The following ATP8A2 variants were observed in gnomAD, a reference collection of about 807,000 sequenced individuals.
The protein encoded by ATP8A2 is phospholipid-transporting ATPase IB.
In ATP8A2, 100 loss-of-function variants were observed where a neutral mutation model predicts 165.6. The observed-to-expected ratio is 0.60, with a 90% CI of 0.51 to 0.71. The LOEUF is 0.71. ATP8A2 is among the 30% of genes least tolerant of loss of function. The pLI is 0.00. For synonymous variants in ATP8A2, 543 were observed against 548.8 expected (o/e 0.99, Z 0.15); for missense variants, 1,227 against 1,479.5 (o/e 0.83, Z 2.80).
At chr13:25,707,810 C>T (rs1053983286) in intron 25 of ATP8A2, among the ~76,000 whole-genome samples, 1 of 152,122 alleles carries the variant, frequency 6.6e-6, no homozygotes, top group African/African-American at 2.4e-5. Flanking sequence ...GCACAAGTTC[C>T]CCTCCACTGA....
chr13:25,928,061 T>C (rs185181274), intron 33 of ATP8A2, among the ~76,000 whole-genome samples: 228 of 152,376 alleles, frequency 1.5e-3, no homozygotes, highest in African/African-American at 5.2e-3. Context: ...GGAAATGTTA[T>C]GGTTTCAAAC....
At position 25,891,512 on chromosome 13, in the gene ATP8A2, G is replaced by A. The variant is rs571079135; in HGVS notation, c.3183+29104G>A. Among the ~76,000 whole-genome samples the A allele has an allele frequency of 3.9e-3, 599 of 152,120 alleles. 3 individuals carry two copies. The highest frequency in any genetic ancestry group is 0.01 in the Middle Eastern group (3 of 294). On this transcript the variant is annotated intron_variant, in intron 33 of 36. Transcript: ENST00000381655. ...TGATTTTTGTATTTTTGGTAGAGAC[G>A]GGGTTTCACCAGGTTGGCCAGGCTG... is the stretch of plus-strand genomic sequence containing the variant.
intron 35 of ATP8A2, among the ~76,000 whole-genome samples, chr13:25,975,302 G>C (rs1016365119): frequency 1.3e-5 from 2 of 152,156 alleles, no homozygotes; most frequent in African/African-American, 4.8e-5. Flanking sequence ...GACCGGTTGC[G>C]GTGGCTCACG....
chr13:25,806,261 G>T (rs564382565), intron 27 of ATP8A2, among the ~76,000 whole-genome samples: 1 of 152,100 alleles, frequency 6.6e-6, no homozygotes, highest in East Asian at 1.9e-4. Flanking sequence ...TTGTGCAAGC[G>T]TATTTGGGGT....
intron 25 of ATP8A2, among the ~76,000 whole-genome samples, chr13:25,762,187 T>C (rs1345847865): frequency 7.4e-6 from 1 of 134,470 alleles, no homozygotes; most frequent in Non-Finnish European, 1.5e-5. Context: ...GAGAATTGCT[T>C]GAACCTGGGA....
Position 25,814,098 on chromosome 13 carries a change from GAC to G in ATP8A2, c.2680-13997_2680-13996del, listed in dbSNP as rs59562535. ...ATCTCTTCATGTGCTCACACATACA[GAC>G]ACACACACACACACACACACACTCA... On this transcript the variant is annotated intron_variant, in intron 27 of 36. Coordinates refer to ENST00000381655, the MANE Select transcript of ATP8A2 (RefSeq NM_016529.6). Among the ~76,000 whole-genome samples, 144 of 149,524 alleles carry G rather than the reference GAC, an allele frequency of 9.6e-4. 1 individual carries two copies. Among genetic ancestry groups the G allele is most frequent in the African/African-American group, 3.1e-3 (125 of 40,798 alleles).
chr13:25,591,930 T>G (rs2040092465), intron 24 of ATP8A2, among the ~76,000 whole-genome samples: 1 of 152,140 alleles, frequency 6.6e-6, no homozygotes, highest in Admixed American at 6.5e-5. Flanking sequence ...ATATGGTAAT[T>G]TTACATTTCA....
At chr13:25,872,372 G>A (rs747725008) in intron 33 of ATP8A2, among the ~76,000 whole-genome samples, 66 of 152,094 alleles carry the variant, frequency 4.3e-4, no homozygotes, top group Admixed American at 1.1e-3. Flanking sequence ...GAGGAAGGGT[G>A]CACTGAGAGC....
intron 33 of ATP8A2, among the ~76,000 whole-genome samples, chr13:25,919,251 C>A (rs1367669050): frequency 6.6e-6 from 1 of 152,140 alleles, no homozygotes; most frequent in South Asian, 2.1e-4. Flanking sequence ...ATCAGTTCAT[C>A]TGGGGAAAAT....
At chr13:25,685,633 T>C (rs1249518403) in intron 24 of ATP8A2, among the ~76,000 whole-genome samples, 2 of 152,154 alleles carry the variant, frequency 1.3e-5, no homozygotes, top group African/African-American at 4.8e-5. Context: ...GTGAGCTGCA[T>C]GGAAATCTGG....
chr13:25,512,329 C>A (rs527608632), intron 2 of ATP8A2, among the ~76,000 whole-genome samples: 1 of 152,100 alleles, frequency 6.6e-6, no homozygotes, highest in Non-Finnish European at 1.5e-5. Flanking sequence ...TTTTCCCCAC[C>A]TTTCCCCCCT....
intron 24 of ATP8A2, among the ~76,000 whole-genome samples, chr13:25,612,657 T>C (rs1407025113): frequency 4.6e-5 from 7 of 152,162 alleles, no homozygotes; most frequent in Non-Finnish European, 8.8e-5. Flanking sequence ...GTCCATTTGT[T>C]CTGGGGTATA....
intron 24 of ATP8A2, among the ~76,000 whole-genome samples, chr13:25,629,376 T>TA (rs1257275571): frequency 6.6e-6 from 1 of 152,178 alleles, no homozygotes; most frequent in Non-Finnish European, 1.5e-5. Context: ...AAGGCACAGT[T>TA]ACATTAAGTC....
intron 1 of ATP8A2, among the ~76,000 whole-genome samples, chr13:25,427,037 G>A (rs1389619213): frequency 6.6e-6 from 1 of 152,156 alleles, no homozygotes; most frequent in African/African-American, 2.4e-5. Flanking sequence ...TTAATAAAGG[G>A]GGAAAGCCAG....
chr13:25,941,438 A>G (rs77796390), intron 33 of ATP8A2, among the ~76,000 whole-genome samples: 17,655 of 152,104 alleles, frequency 0.12, 1,165 homozygotes, highest in African/African-American at 0.17. Context: ...GTTCTCCTGC[A>G]GGAAGCACCT....
chr13:25,393,790 C>T (rs2033330451), intron 1 of ATP8A2, among the ~76,000 whole-genome samples: 1 of 152,176 alleles, frequency 6.6e-6, no homozygotes, highest in Non-Finnish European at 1.5e-5. Context: ...TTATGTTGTG[C>T]ATGCCTTGAC....
At chr13:25,449,045 C>T (rs191082399) in intron 1 of ATP8A2, among the ~76,000 whole-genome samples, 16 of 152,230 alleles carry the variant, frequency 1.1e-4, no homozygotes, top group Non-Finnish European at 8.8e-5. Flanking sequence ...CTCATGATTT[C>T]CCTAAGATAA....
chr13:25,865,690 A>G (rs183177254), intron 33 of ATP8A2, among the ~76,000 whole-genome samples: 1 of 152,314 alleles, frequency 6.6e-6, no homozygotes, highest in Admixed American at 6.5e-5. Flanking sequence ...TGGTATGTGA[A>G]ACCCAGCCAG....
intron 27 of ATP8A2, among the ~76,000 whole-genome samples, chr13:25,794,528 G>A (rs573499374): frequency 6.6e-6 from 1 of 152,128 alleles, no homozygotes; most frequent in Non-Finnish European, 1.5e-5. Flanking sequence ...CAGGGTCTTT[G>A]GGTGGAGGAA....
Sources: allele counts gnomAD v4.1 joint callset (sites outside exome capture counted in the v4.1 genomes callset), GRCh38; gene constraint gnomAD v4.1.1; transcripts MANE v1.5; gene names NCBI Gene and HGNC (gene_info 2026-07-23, HGNC 2026-07-21).